The following CCSER1 variants were observed in gnomAD, a reference collection of about 807,000 sequenced individuals.
The protein encoded by CCSER1 is coiled-coil serine rich protein 1, also known as serine-rich coiled-coil domain-containing protein 1.
CCSER1 carries 41 observed loss-of-function variants against 82.0 expected under a neutral mutation model. The observed-to-expected ratio is 0.50, with a 90% CI of 0.39 to 0.65. The LOEUF (loss-of-function observed/expected upper bound fraction) is 0.65, where lower values mean the gene tolerates loss of function less well. Among genes scored for constraint, CCSER1 ranks in the 30% least tolerant of loss-of-function variants. The probability of loss-of-function intolerance (pLI) is 0.00; values close to 1 mark genes in which losing one functional copy is unlikely to be tolerated. For missense variants in CCSER1, 1,119 were observed against 1,064.2 expected (o/e 1.05, Z -0.72); for synonymous variants, 414 against 383.9 (o/e 1.08, Z -0.92).
intron 7 of CCSER1, among the ~76,000 whole-genome samples, chr4:90,772,973 G>A (rs1023272283): frequency 1.3e-5 from 2 of 152,146 alleles, no homozygotes; most frequent in Non-Finnish European, 1.5e-5. Context: ...AGGCATGTTG[G>A]CTTATGCCTG....
intron 10 of CCSER1, among the ~76,000 whole-genome samples, chr4:91,090,465 T>C (rs944967646): frequency 6.6e-6 from 1 of 152,218 alleles, no homozygotes; most frequent in Non-Finnish European, 1.5e-5. Flanking sequence ...GTGGTACCAT[T>C]ATACAGTTTT....
intron 10 of CCSER1, among the ~76,000 whole-genome samples, chr4:91,384,714 A>T (rs1578328457): frequency 6.6e-6 from 1 of 152,126 alleles, no homozygotes; most frequent in Non-Finnish European, 1.5e-5. Context: ...AGATTGTTAA[A>T]TTTCACTGAC....
At chr4:91,271,534 T>A (rs1427134608) in intron 10 of CCSER1, among the ~76,000 whole-genome samples, 1 of 152,158 alleles carries the variant, frequency 6.6e-6, no homozygotes, top group African/African-American at 2.4e-5. Context: ...TGTTTGGTTT[T>A]CCATTCCTGA....
At chr4:91,072,337 C>T (rs941877974) in intron 9 of CCSER1, among the ~76,000 whole-genome samples, 1 of 152,152 alleles carries the variant, frequency 6.6e-6, no homozygotes, top group Non-Finnish European at 1.5e-5. Context: ...TTGAATTTCA[C>T]ATTTTTTCCC....
intron 3 of CCSER1, among the ~76,000 whole-genome samples, chr4:90,323,641 AAC>A: frequency 6.6e-6 from 1 of 152,230 alleles, no homozygotes; most frequent in East Asian, 1.9e-4. Flanking sequence ...TGGGCAATGC[AAC>A]AGTGTCTTTC....
At chr4:91,187,419 A>G (rs1009181661) in intron 10 of CCSER1, among the ~76,000 whole-genome samples, 11 of 152,264 alleles carry the variant, frequency 7.2e-5, no homozygotes, top group South Asian at 4.1e-4. Context: ...CATTTTTTAA[A>G]TAAACATAAG....
At chr4:90,239,836 A>G (rs1412530873) in intron 1 of CCSER1, among the ~76,000 whole-genome samples, 2 of 152,198 alleles carry the variant, frequency 1.3e-5, no homozygotes, top group East Asian at 3.8e-4. Flanking sequence ...TGTGAATCAT[A>G]ATCAGATTGA....
intron 1 of CCSER1, among the ~76,000 whole-genome samples, chr4:90,157,596 T>C (rs991902596): frequency 7.9e-5 from 12 of 152,138 alleles, no homozygotes; most frequent in African/African-American, 2.9e-4. Context: ...TTTCTCTAAA[T>C]TTCCCTTCTC....
chr4:91,303,759 C>A (rs947367610), intron 10 of CCSER1, among the ~76,000 whole-genome samples: 1 of 151,856 alleles, frequency 6.6e-6, no homozygotes, highest in Non-Finnish European at 1.5e-5. Context: ...CCTGCCACTG[C>A]GCTCCAACCT....
intron 7 of CCSER1, among the ~76,000 whole-genome samples, chr4:90,803,672 AT>A (rs1431911808): frequency 2.6e-5 from 4 of 152,080 alleles, no homozygotes; most frequent in Admixed American, 6.5e-5. Flanking sequence ...CAATAAACAT[AT>A]GTGTGTGTGT....
intron 5 of CCSER1, among the ~76,000 whole-genome samples, chr4:90,475,130 A>G (rs2153593247): frequency 6.6e-6 from 1 of 152,332 alleles, no homozygotes; most frequent in South Asian, 2.1e-4. Flanking sequence ...GAAAATGTCC[A>G]CAATATAAGT....
At chr4:91,198,120 T>C (rs771074847) in intron 10 of CCSER1, among the ~76,000 whole-genome samples, 1 of 152,204 alleles carries the variant, frequency 6.6e-6, no homozygotes, top group African/African-American at 2.4e-5. Flanking sequence ...AGTTCCTTAA[T>C]TTACAAATGA....
intron 10 of CCSER1, among the ~76,000 whole-genome samples, chr4:91,240,055 A>C (rs572979087): frequency 3.7e-5 from 2 of 54,724 alleles, no homozygotes; most frequent in Non-Finnish European, 3.4e-5. Flanking sequence ...AGAACACTGA[A>C]ATCTCTACTC....
intron 4 of CCSER1, among the ~76,000 whole-genome samples, chr4:90,461,310 G>A (rs1004765863): frequency 1.1e-4 from 13 of 116,966 alleles, no homozygotes; most frequent in East Asian, 3.9e-4. Flanking sequence ...CTCGTGATCC[G>A]CCCGCCTCGG....
chr4:91,215,606 C>T (rs1737179648), intron 10 of CCSER1, among the ~76,000 whole-genome samples: 1 of 152,148 alleles, frequency 6.6e-6, no homozygotes, highest in South Asian at 2.1e-4. Flanking sequence ...TGTTCTACTG[C>T]CTGCTTTATT....
chr4:91,224,005 A>G (rs541068302), intron 10 of CCSER1, among the ~76,000 whole-genome samples: 8 of 151,816 alleles, frequency 5.3e-5, no homozygotes, highest in Non-Finnish European at 1.0e-4. Flanking sequence ...AACAATATTC[A>G]TATTTGGAAG....
intron 3 of CCSER1, among the ~76,000 whole-genome samples, chr4:90,329,053 C>T (rs991885482): frequency 6.6e-6 from 1 of 152,092 alleles, no homozygotes; most frequent in Non-Finnish European, 1.5e-5. Context: ...TAAGAATATG[C>T]ACTTGTATTT....
At chr4:90,641,774 T>A (rs1046149982) in intron 6 of CCSER1, among the ~76,000 whole-genome samples, 2 of 152,204 alleles carry the variant, frequency 1.3e-5, no homozygotes, top group Non-Finnish European at 2.9e-5. Flanking sequence ...TAGTCATGCA[T>A]AATATTTGAT....
At chr4:90,856,296 T>A (rs1254940055) in intron 8 of CCSER1, among the ~76,000 whole-genome samples, 1 of 150,226 alleles carries the variant, frequency 6.7e-6, no homozygotes, top group Non-Finnish European at 1.5e-5. Context: ...TATAAATTGT[T>A]ATTGCTGCAG....
Sources: allele counts gnomAD v4.1 joint callset (sites outside exome capture counted in the v4.1 genomes callset), GRCh38; gene constraint gnomAD v4.1.1; transcripts MANE v1.5; gene names NCBI Gene and HGNC (gene_info 2026-07-23, HGNC 2026-07-21).